Variants in INPP5A observed in about 807,000 individuals in gnomAD.
INPP5A encodes 43 kDa inositol polyphosphate 5-phophatase.
Under a neutral mutation model 65.2 loss-of-function variants are expected in INPP5A, and 14 were observed. That is an observed-to-expected ratio of 0.21 (90% confidence interval 0.14 to 0.34). The LOEUF is 0.34. INPP5A is among the 10% of genes least tolerant of loss of function. INPP5A has a pLI of 1.00. For synonymous variants in INPP5A, 207 were observed against 208.3 expected (o/e 0.99, Z 0.05); for missense variants, 431 against 545.6 (o/e 0.79, Z 2.09).
intron 8 of INPP5A, among the ~76,000 whole-genome samples, chr10:132,711,695 T>G (rs1845639684): frequency 6.6e-6 from 1 of 152,204 alleles, no homozygotes; most frequent in Non-Finnish European, 1.5e-5. Flanking sequence ...ACGCCGACCT[T>G]CTGTTCCCGG....
At chr10:132,567,869 A>AG (rs1313638337) in intron 1 of INPP5A, among the ~76,000 whole-genome samples, 1 of 152,158 alleles carries the variant, frequency 6.6e-6, no homozygotes, top group African/African-American at 2.4e-5. Context: ...TTAGTGCTTA[A>AG]TTACCACATC....
intron 9 of INPP5A, among the ~76,000 whole-genome samples, chr10:132,743,999 G>A (rs1421347264): frequency 2.6e-5 from 4 of 152,240 alleles, no homozygotes; most frequent in Non-Finnish European, 5.9e-5. Flanking sequence ...CAGCCACAGC[G>A]GATTTGCACC....
At chr10:132,563,105 A>G (rs1284818836) in intron 1 of INPP5A, among the ~76,000 whole-genome samples, 1 of 152,208 alleles carries the variant, frequency 6.6e-6, no homozygotes, top group African/African-American at 2.4e-5. Flanking sequence ...GGAGGAGACC[A>G]GATGGGGAGG....
At chr10:132,713,316 C>T (rs573002940) in intron 8 of INPP5A, among the ~76,000 whole-genome samples, 1 of 152,130 alleles carries the variant, frequency 6.6e-6, no homozygotes, top group Admixed American at 6.5e-5. Context: ...GGGTGGAAGG[C>T]TGCATTCTCC....
At chr10:132,633,816 A>G (rs2072304089) in intron 2 of INPP5A, among the ~76,000 whole-genome samples, 2 of 152,304 alleles carry the variant, frequency 1.3e-5, no homozygotes, top group South Asian at 4.1e-4. Context: ...AGAGTTAGTT[A>G]AACAGTGAGC....
At chr10:132,738,825 GTGCCTTTCAC>G in intron 9 of INPP5A, among the ~76,000 whole-genome samples, 1 of 152,234 alleles carries the variant, frequency 6.6e-6, no homozygotes. Flanking sequence ...CCCCATGACA[GTGCCTTTCAC>G]TGGCTGCATT....
chr10:132,682,131 G>C (rs1428710081), intron 4 of INPP5A, among the ~76,000 whole-genome samples: 1 of 140,708 alleles, frequency 7.1e-6, no homozygotes, highest in Non-Finnish European at 1.6e-5. Flanking sequence ...CGTCCTGGAG[G>C]TGGGAAGGTG....
At chr10:132,683,200 T>C (rs2073073241) in intron 4 of INPP5A, among the ~76,000 whole-genome samples, 1 of 149,360 alleles carries the variant, frequency 6.7e-6, no homozygotes, top group South Asian at 2.1e-4. Context: ...GTACACGTAT[T>C]ATCCTATGTG....
In INPP5A at chr10:132,777,665, C is replaced by T; in HGVS notation, c.978-6C>T. 6.2e-7 allele frequency: 1 copy of T among 1,611,650 alleles called. No individual in the cohort carries two copies. Among genetic ancestry groups the T allele is most frequent in the Non-Finnish European group, 8.5e-7 (1 of 1,179,060 alleles). On this transcript the variant is annotated splice_polypyrimidine_tract_variant and splice_region_variant and intron_variant, in intron 12 of 15. Coordinates refer to ENST00000368594, the MANE Select transcript of INPP5A (RefSeq NM_005539.5). ...CGGCTGACCCTCTGCCTTCATGTCT[C>T]CCCAGCTACCCGTACAGTGAGGACG...
intron 9 of INPP5A, among the ~76,000 whole-genome samples, chr10:132,747,411 C>T (rs527732845): frequency 2.0e-5 from 3 of 152,378 alleles, no homozygotes; most frequent in African/African-American, 7.2e-5. Context: ...TTGGGGATAG[C>T]GGGTGGCCGC....
At chr10:132,645,340 C>T (rs150957094) in intron 2 of INPP5A, among the ~76,000 whole-genome samples, 72 of 152,218 alleles carry the variant, frequency 4.7e-4, no homozygotes, top group African/African-American at 1.6e-3. Context: ...TGTGAGCAGG[C>T]GGCGGAGTGC....
At position 132,655,607 on chromosome 10, in the gene INPP5A, T is replaced by C. The variant is rs544829858; in HGVS notation, c.306+5102T>C. On this transcript the variant is annotated intron_variant, in intron 4 of 15. Coordinates refer to ENST00000368594, the MANE Select transcript of INPP5A (RefSeq NM_005539.5). ...CCAAGAGGGTTCTGTGAGGAAGAGG[T>C]TGCAAATTCATTTTCGTTTAACGTC... is the stretch of plus-strand genomic sequence containing the variant. Among the ~76,000 whole-genome samples the C allele has an allele frequency of 2.0e-5, 3 of 152,252 alleles. No homozygotes were observed. In the East Asian group the frequency reaches 5.8e-4, roughly 29 times the overall value.
chr10:132,650,492 A>G lies in INPP5A; in HGVS notation c.293A>G (p.Gln98Arg), dbSNP rs766241565. 6.2e-7 allele frequency: 1 copy of G among 1,612,798 alleles called. No homozygotes were observed. The highest frequency in any genetic ancestry group is 1.7e-5 in the Admixed American group (1 of 59,992). ...RVYLDENYKS[Q>R]EHFTALGSFY... The stretch of plus-strand genomic sequence containing the variant: ...TACCTGGATGAAAACTACAAATCCC[A>G]GGAGCACTTCACGGTGAGTCCCTCC... Residue 98 changes from glutamine (Q) to arginine (R), a missense_variant, in exon 4 of 16, where the codon CAG becomes CGG. Transcript: ENST00000368594. The surrounding 1 kb of genome is among the most constrained non-coding windows in gnomAD (Gnocchi z 5.5).
intron 9 of INPP5A, among the ~76,000 whole-genome samples, chr10:132,730,513 G>T (rs1323078438): frequency 1.3e-5 from 2 of 152,268 alleles, no homozygotes; most frequent in Non-Finnish European, 2.9e-5. Context: ...CAGCTCTGTG[G>T]AGAGGTGTCC....
chr10:132,574,057 G>A (rs1163587624), intron 1 of INPP5A, among the ~76,000 whole-genome samples: 1 of 11,064 alleles, frequency 9.0e-5, no homozygotes, highest in Non-Finnish European at 1.5e-4. Context: ...AGATGTTGGG[G>A]TGTGCGTGCC....
Position 132,688,847 on chromosome 10 carries a change from A to T in INPP5A, c.307-1545A>T, listed in dbSNP as rs117910615. Among the ~76,000 whole-genome samples, 882 of 151,248 alleles carry T rather than the reference A, an allele frequency of 5.8e-3. 5 individuals are homozygous for T. Among genetic ancestry groups the T allele is most frequent in the Non-Finnish European group, 0.01 (699 of 67,818 alleles). ...CTGAGTGCAAGTGTAAGTGTGCGTG[A>T]GTGCGTGTGTGCATGAGTTAGTGCA... On this transcript the variant is annotated intron_variant, in intron 4 of 15. Transcript: ENST00000368594.
chr10:132,732,083 C>T (rs113023778), intron 9 of INPP5A, among the ~76,000 whole-genome samples: 111 of 152,368 alleles, frequency 7.3e-4, no homozygotes, highest in South Asian at 1.0e-3. Flanking sequence ...CTCATTCACA[C>T]GCCCGGCCAC....
intron 1 of INPP5A, among the ~76,000 whole-genome samples, chr10:132,591,727 T>G (rs2071622686): frequency 6.6e-6 from 1 of 152,214 alleles, no homozygotes; most frequent in Non-Finnish European, 1.5e-5. Flanking sequence ...TCTGCCTGCT[T>G]CTCTGCCCCT....
intron 2 of INPP5A, among the ~76,000 whole-genome samples, chr10:132,636,567 G>A (rs529187178): frequency 6.6e-6 from 1 of 152,354 alleles, no homozygotes; most frequent in Admixed American, 6.5e-5. Context: ...AATCGAGGTT[G>A]TGGACGCACA....
Sources: allele counts gnomAD v4.1 joint callset (sites outside exome capture counted in the v4.1 genomes callset), GRCh38; gene constraint gnomAD v4.1.1; non-coding constraint Gnocchi (gnomAD v3.1); transcripts MANE v1.5; gene names NCBI Gene and HGNC (gene_info 2026-07-23, HGNC 2026-07-21).